Variants in R3HDM2 observed in about 807,000 individuals in gnomAD.
R3HDM2 encodes the protein R3H domain-containing protein 2.
Under a neutral mutation model 124.5 loss-of-function variants are expected in R3HDM2, and 38 were observed. That is an observed-to-expected ratio of 0.31 (90% confidence interval 0.24 to 0.40). The LOEUF (loss-of-function observed/expected upper bound fraction) is 0.40, where lower values mean the gene tolerates loss of function less well. Among genes scored for constraint, R3HDM2 ranks in the 10% least tolerant of loss-of-function variants. The pLI is 1.00. For missense variants in R3HDM2, 869 were observed against 1,236.9 expected, an observed-to-expected ratio of 0.70 and a Z score of 4.46; for synonymous variants, 391 against 448.0, an observed-to-expected ratio of 0.87 and a Z score of 1.61.
chr12:57,363,159 G>T (rs2062153287), intron 2 of R3HDM2, among the ~76,000 whole-genome samples: 1 of 152,156 alleles, frequency 6.6e-6, no homozygotes, highest in African/African-American at 2.4e-5. Flanking sequence ...TTGATTTGGT[G>T]TAGTTTTCTC....
intron 1 of R3HDM2, among the ~76,000 whole-genome samples, chr12:57,417,500 TAATAC>T (rs1162498830): frequency 6.6e-6 from 1 of 152,116 alleles, no homozygotes; most frequent in Non-Finnish European, 1.5e-5. Context: ...GAAATGGGAA[TAATAC>T]AATACTATTC....
At chr12:57,305,253 C>A (rs1388668916) in intron 3 of R3HDM2, among the ~76,000 whole-genome samples, 1 of 151,792 alleles carries the variant, frequency 6.6e-6, no homozygotes, top group Non-Finnish European at 1.5e-5. Flanking sequence ...AACTTTTTTT[C>A]ATGAGTATCA....
intron 2 of R3HDM2, among the ~76,000 whole-genome samples, chr12:57,381,492 C>G (rs527305079): frequency 1.4e-5 from 2 of 146,610 alleles, no homozygotes; most frequent in African/African-American, 5.0e-5. Context: ...TTGCAGTGAG[C>G]CGAGATCGTA....
intron 1 of R3HDM2, among the ~76,000 whole-genome samples, chr12:57,415,044 T>C (rs916349434): frequency 1.2e-4 from 18 of 152,158 alleles, no homozygotes; most frequent in African/African-American, 4.3e-4. Context: ...AGCAGCCAGC[T>C]TGAAGGAGCT....
Position 57,410,789 on chromosome 12 carries a change from G to A in R3HDM2, c.-105-14971C>T, listed in dbSNP as rs1340663173. Among the ~76,000 whole-genome samples the A allele has an allele frequency of 2.0e-5, 3 of 152,304 alleles. No homozygotes were observed. In the South Asian group the frequency reaches 6.2e-4, roughly 32 times the overall value. On this transcript the variant is annotated intron_variant, in intron 1 of 23. Transcript: ENST00000402412. The stretch of plus-strand genomic sequence containing the variant: ...GATCGCTTGAGCCACAGAGGTTGAA[G>A]CTATGGTGAGCCATGATGGCACCAC...
intron 11 of R3HDM2, 127 bp from the exon 12 acceptor site, chr12:57,289,167 G>C (rs1456058140): frequency 3.4e-6 from 3 of 876,440 alleles, no homozygotes; most frequent in Non-Finnish European, 5.5e-6. Flanking sequence ...AACAGGGAGA[G>C]AGGGGCCAGG....
chr12:57,370,021 T>C (rs2063127723), intron 2 of R3HDM2, among the ~76,000 whole-genome samples: 1 of 152,190 alleles, frequency 6.6e-6, no homozygotes, highest in Admixed American at 6.5e-5. Flanking sequence ...TAAAAAATGT[T>C]AATTTTCAAC....
intron 11 of R3HDM2, among the ~76,000 whole-genome samples, chr12:57,290,604 C>A (rs999556627): frequency 2.6e-5 from 4 of 152,008 alleles, no homozygotes; most frequent in African/African-American, 9.7e-5. Flanking sequence ...TAAGTGCTTG[C>A]TACTTTTTTT....
chr12:57,430,489 G>GC, intron 1 of R3HDM2: 114 of 790,498 alleles, frequency 1.4e-4, no homozygotes, highest in South Asian at 2.3e-4. Flanking sequence ...CCACCCCCCT[G>GC]CCCCCGCACC....
At chr12:57,428,496 G>T (rs1594700117) in intron 1 of R3HDM2, among the ~76,000 whole-genome samples, 1 of 148,172 alleles carries the variant, frequency 6.7e-6, no homozygotes, top group East Asian at 2.0e-4. Flanking sequence ...CGGGTATGGT[G>T]GGGGGTGTGG....
intron 2 of R3HDM2, among the ~76,000 whole-genome samples, chr12:57,387,200 C>T (rs1330011337): frequency 6.6e-6 from 1 of 152,104 alleles, no homozygotes; most frequent in Non-Finnish European, 1.5e-5. Context: ...GGTCCCCTTC[C>T]ACACTGTGGA....
chr12:57,263,710 T>G (rs1592399287), intron 19 of R3HDM2, among the ~76,000 whole-genome samples: 2 of 152,062 alleles, frequency 1.3e-5, no homozygotes, highest in African/African-American at 4.8e-5. Context: ...TGGCCTCAAG[T>G]GATCCACCCT....
At chr12:57,289,505 T>C (rs2048148922) in intron 11 of R3HDM2, among the ~76,000 whole-genome samples, 1 of 152,152 alleles carries the variant, frequency 6.6e-6, no homozygotes, top group South Asian at 2.1e-4. Context: ...TTGGCCAAAA[T>C]GAAAGACATT....
At chr12:57,359,185 G>A (rs558404917) in intron 2 of R3HDM2, among the ~76,000 whole-genome samples, 8 of 151,978 alleles carry the variant, frequency 5.3e-5, no homozygotes, top group African/African-American at 1.7e-4. Context: ...CCAAAGTGCC[G>A]GGATTACAGG....
intron 2 of R3HDM2, among the ~76,000 whole-genome samples, chr12:57,338,405 C>T (rs140617147): frequency 6.6e-6 from 1 of 152,310 alleles, no homozygotes; most frequent in East Asian, 1.9e-4. Context: ...CTGCTATTAA[C>T]AACATGATGT....
At chr12:57,348,074 T>C (rs1234898167) in intron 2 of R3HDM2, among the ~76,000 whole-genome samples, 1 of 152,156 alleles carries the variant, frequency 6.6e-6, no homozygotes, top group South Asian at 2.1e-4. Flanking sequence ...TCGTTCTGTA[T>C]TTTTTTCTGT....
rs989010340 is a variant in R3HDM2, at chr12:57,342,365, GCTAA to G, written c.-35-31906_-35-31903del. On this transcript the variant is annotated intron_variant, in intron 2 of 23. Transcript: ENST00000402412. ...ACTGATCCTTGCTGCTGGAGCTCCAGCTAACTAACTGCTCTGACAAGCAGCTCTG... is the reference window on the plus strand; with the variant it reads ...ACTGATCCTTGCTGCTGGAGCTCCAGCTAACTGCTCTGACAAGCAGCTCTG... Among the ~76,000 whole-genome samples the G allele has an allele frequency of 9.2e-5, 14 of 151,820 alleles. No individual in the cohort carries two copies. In the East Asian group the frequency reaches 1.6e-3, roughly 17 times the overall value.
intron 2 of R3HDM2, among the ~76,000 whole-genome samples, chr12:57,373,058 T>C (rs964322858): frequency 2.0e-4 from 31 of 152,064 alleles, no homozygotes; most frequent in African/African-American, 7.2e-4. Context: ...AAAAATTAGC[T>C]GGACATGGTG....
intron 2 of R3HDM2, among the ~76,000 whole-genome samples, chr12:57,369,704 A>C (rs890499459): frequency 8.5e-5 from 13 of 152,054 alleles, no homozygotes; most frequent in African/African-American, 3.1e-4. Context: ...AGTCTGCCCC[A>C]TGGTAAGATG....
Sources: allele counts gnomAD v4.1 joint callset (sites outside exome capture counted in the v4.1 genomes callset), GRCh38; gene constraint gnomAD v4.1.1; transcripts MANE v1.5; gene names NCBI Gene and HGNC (gene_info 2026-07-23, HGNC 2026-07-21).